The following ATG4C variants were observed in gnomAD, a reference collection of about 807,000 sequenced individuals.
ATG4C encodes cysteine protease ATG4C.
Under a neutral mutation model 57.6 loss-of-function variants are expected in ATG4C, and 56 were observed. That is an observed-to-expected ratio of 0.97 (90% confidence interval 0.78 to 1.21). The LOEUF is 1.21. Among genes scored for constraint, ATG4C ranks in the 50% most tolerant of loss-of-function variants. The pLI is 0.00. For missense variants in ATG4C, 595 were observed against 529.8 expected (o/e 1.12, Z -1.21); for synonymous variants, 157 against 174.1 (o/e 0.90, Z 0.78).
chr1:62,855,886 T>G (rs1253726418), intron 10 of ATG4C, among the ~76,000 whole-genome samples: 1 of 152,238 alleles, frequency 6.6e-6, no homozygotes, highest in Non-Finnish European at 1.5e-5. Flanking sequence ...CAGTCCATGT[T>G]CCAGACAGTT....
At chr1:62,853,127 T>G (rs1033761935) in intron 10 of ATG4C, among the ~76,000 whole-genome samples, 5 of 152,210 alleles carry the variant, frequency 3.3e-5, no homozygotes, top group African/African-American at 1.2e-4. Flanking sequence ...AAAATGAAAA[T>G]AATTTTCCCC....
chr1:62,849,164 C>T (rs1045851554), intron 10 of ATG4C, among the ~76,000 whole-genome samples: 3 of 152,108 alleles, frequency 2.0e-5, no homozygotes, highest in African/African-American at 7.2e-5. Context: ...CTGCCGCCTG[C>T]CAGGTTCCAG....
chr1:62,795,545 A>T (rs1325620519), intron 1 of ATG4C, among the ~76,000 whole-genome samples: 1 of 152,242 alleles, frequency 6.6e-6, no homozygotes, highest in Non-Finnish European at 1.5e-5. Flanking sequence ...TCTCTTTAAT[A>T]CTATTAGCAT....
At chr1:62,838,897 T>C (rs1666082359) in intron 9 of ATG4C, among the ~76,000 whole-genome samples, 1 of 152,238 alleles carries the variant, frequency 6.6e-6, no homozygotes, top group African/African-American at 2.4e-5. Context: ...ATCTGTGTTT[T>C]TGTGAATATT....
At chr1:62,784,332 C>A (rs79919923) in intron 1 of ATG4C, 59 bp downstream of exon 1, 1 of 152,322 alleles carries the variant, frequency 6.6e-6, no homozygotes, top group Non-Finnish European at 1.5e-5. Context: ...CGTCTCTGGT[C>A]CCCGAATGAC....
intron 9 of ATG4C, 33 bp downstream of exon 9, chr1:62,834,885 T>A: frequency 6.4e-7 from 1 of 1,559,302 alleles, no homozygotes; most frequent in South Asian, 1.1e-5. Context: ...ACTGTTTTCT[T>A]ACCATATGAA....
chr1:62,821,951 A>G (rs767291143), intron 6 of ATG4C, among the ~76,000 whole-genome samples: 7 of 152,042 alleles, frequency 4.6e-5, no homozygotes, highest in Non-Finnish European at 5.9e-5. Context: ...CACATGTAGA[A>G]TTTTTCACTT....
At chr1:62,852,878 C>T (rs1666561501) in intron 10 of ATG4C, among the ~76,000 whole-genome samples, 1 of 152,004 alleles carries the variant, frequency 6.6e-6, no homozygotes, top group South Asian at 2.1e-4. Context: ...TATTCACTCT[C>T]ACCTTAACTG....
chr1:62,831,650 C>A (rs1665843797), intron 7 of ATG4C, among the ~76,000 whole-genome samples: 1 of 151,772 alleles, frequency 6.6e-6, no homozygotes, highest in East Asian at 1.9e-4. Context: ...CTGATTACTT[C>A]AGTCTTATTT....
At chr1:62,850,870 A>ATGTGTGTATGTGTATG (rs1557992624) in intron 10 of ATG4C, among the ~76,000 whole-genome samples, 1 of 83,502 alleles carries the variant, frequency 1.2e-5, no homozygotes, top group Non-Finnish European at 2.6e-5. Flanking sequence ...ATATATATAT[A>ATGTGTGTATGTGTATG]TATATATATA....
chr1:62,805,773 T>C (rs2100298684), intron 3 of ATG4C, among the ~76,000 whole-genome samples: 1 of 152,308 alleles, frequency 6.6e-6, no homozygotes, highest in South Asian at 2.1e-4. Context: ...ACCTACAAGG[T>C]AGATTCAGGT....
intron 1 of ATG4C, among the ~76,000 whole-genome samples, chr1:62,796,207 GTTT>G (rs60552573): frequency 0.012 from 1,098 of 91,158 alleles, 21 homozygotes; most frequent in South Asian, 0.052. Context: ...ATTTGTGTGG[GTTT>G]TTTTTTTTTT....
rs1558001256 is a variant in ATG4C at position 62,865,501 on chromosome 1, A to T, written c.*1342A>T. Reference sequence around the variant, plus strand: ...GATTACTTACTGAGTTGAAATAAATAGTCTGAAATCTAAAAGTTTTCTTTA... The same window carrying T: ...GATTACTTACTGAGTTGAAATAAATTGTCTGAAATCTAAAAGTTTTCTTTA... On this transcript the variant is annotated 3_prime_UTR_variant, in exon 11 of 11. Transcript: ENST00000317868. 6.6e-6 allele frequency: 1 copy of T among 151,972 alleles called. No individual in the cohort carries two copies. Among genetic ancestry groups the T allele is most frequent in the Non-Finnish European group, 1.5e-5 (1 of 67,856 alleles). The allele number at this position is 151,972 out of a possible 1,614,324, so 9.4% of individuals were successfully genotyped here.
intron 10 of ATG4C, among the ~76,000 whole-genome samples, chr1:62,842,689 T>C (rs1334010866): frequency 1.3e-5 from 2 of 152,144 alleles, no homozygotes; most frequent in African/African-American, 4.8e-5. Flanking sequence ...ATAAGCTAGA[T>C]TTAGTTTACT....
chr1:62,826,128 C>T (rs139134971), intron 6 of ATG4C, among the ~76,000 whole-genome samples: 1,590 of 151,704 alleles, frequency 0.01, 12 homozygotes, highest in East Asian at 0.015. Context: ...AGGCTGGCCT[C>T]GAAGTCCTGA....
chr1:62,847,005 C>T (rs1013439335), intron 10 of ATG4C, among the ~76,000 whole-genome samples: 2 of 152,038 alleles, frequency 1.3e-5, no homozygotes, highest in South Asian at 2.1e-4. Flanking sequence ...GGTGAAACTC[C>T]GTCTCTACTA....
intron 2 of ATG4C, among the ~76,000 whole-genome samples, chr1:62,804,397 CTTTTT>C (rs963123020): frequency 6.6e-6 from 1 of 150,530 alleles, no homozygotes; most frequent in African/African-American, 2.4e-5. Flanking sequence ...GCCTTTTTTC[CTTTTT>C]TTTTAAGTTG....
rs144707396 is a variant in ATG4C at position 62,801,705 on chromosome 1, T to A, written c.-68-2014T>A. Among the ~76,000 whole-genome samples the A allele has an allele frequency of 8.4e-3, 1,264 of 151,166 alleles. 37 individuals are homozygous for A. The highest frequency in any genetic ancestry group is 0.029 in the African/African-American group (1,181 of 41,216). On this transcript the variant is annotated intron_variant, in intron 1 of 10. Coordinates refer to ENST00000317868, the MANE Select transcript of ATG4C (RefSeq NM_032852.4). ...CCGGCGCAGTGGCTCACGCCTGTAA[T>A]CCCAGCACTTTGGGAGGCCGAGGCG...
At chr1:62,839,511 G>A (rs1001814519) in intron 9 of ATG4C, among the ~76,000 whole-genome samples, 2 of 152,128 alleles carry the variant, frequency 1.3e-5, no homozygotes, top group Admixed American at 6.5e-5. Context: ...ATTGTCTTTC[G>A]AATGAGCTGG....
Sources: gnomAD v4.1 joint callset for allele counts (sites outside exome capture counted in the v4.1 genomes callset) on GRCh38, gnomAD v4.1.1 for gene constraint, MANE v1.5 for transcripts, NCBI Gene and HGNC (gene_info 2026-07-23, HGNC 2026-07-21) for gene names.